Variants in RBFOX1 observed in about 807,000 individuals in gnomAD.
The protein encoded by RBFOX1 is RNA binding fox-1 homolog 1.
RBFOX1 carries 8 observed loss-of-function variants against 57.7 expected under a neutral mutation model. That is an observed-to-expected ratio of 0.14 (90% CI 0.08 to 0.25). The LOEUF (loss-of-function observed/expected upper bound fraction) is 0.25, where lower values mean the gene tolerates loss of function less well. Ranked by LOEUF, RBFOX1 falls within the 10% of genes least tolerant of loss-of-function variation. RBFOX1 has a pLI of 1.00. For synonymous variants in RBFOX1, 326 were observed against 222.4 expected, an observed-to-expected ratio of 1.47 and a Z score of -4.15; for missense variants, 611 against 548.5, an observed-to-expected ratio of 1.11 and a Z score of -1.14.
chr16:6,536,402 G>A (rs1372205962), intron 2 of RBFOX1, among the ~76,000 whole-genome samples: 2 of 152,140 alleles, frequency 1.3e-5, no homozygotes, highest in African/African-American at 2.4e-5. Flanking sequence ...TCTAATTTCT[G>A]TCCCCTATTG....
chr16:6,633,400 C>A (rs879361582), intron 2 of RBFOX1, among the ~76,000 whole-genome samples: 2 of 152,144 alleles, frequency 1.3e-5, no homozygotes, highest in Non-Finnish European at 2.9e-5. Context: ...GCCTCAGCCT[C>A]CCAAGTAGCT....
At chr16:6,742,059 C>T (rs976975470) in intron 3 of RBFOX1, among the ~76,000 whole-genome samples, 1 of 152,106 alleles carries the variant, frequency 6.6e-6, no homozygotes, top group Non-Finnish European at 1.5e-5. Context: ...AGCCATTCTA[C>T]AGTGTATACA....
intron 4 of RBFOX1, among the ~76,000 whole-genome samples, chr16:7,414,973 T>G (rs1357215287): frequency 6.6e-6 from 1 of 152,150 alleles, no homozygotes; most frequent in Admixed American, 6.5e-5. Context: ...CATCCCAACA[T>G]TACAGATGAG....
At chr16:6,895,154 A>G (rs1313277257) in intron 3 of RBFOX1, among the ~76,000 whole-genome samples, 3 of 152,140 alleles carry the variant, frequency 2.0e-5, no homozygotes, top group Non-Finnish European at 4.4e-5. Context: ...AAATCAAAAA[A>G]GATGATCTAT....
chr16:7,703,853 C>G (rs1197803011), intron 14 of RBFOX1, among the ~76,000 whole-genome samples: 1 of 152,202 alleles, frequency 6.6e-6, no homozygotes, highest in Non-Finnish European at 1.5e-5. Context: ...CCAAAAGCAT[C>G]TGTAATTTGA....
chr16:6,499,029 G>T (rs1333243272), intron 2 of RBFOX1, among the ~76,000 whole-genome samples: 7 of 152,188 alleles, frequency 4.6e-5, no homozygotes, highest in African/African-American at 1.7e-4. Context: ...ATGATTGTGT[G>T]ACAGGTTAGT....
At position 7,676,821 on chromosome 16, in the gene RBFOX1, C is replaced by A. The variant is rs146803665; in HGVS notation, c.978C>A (p.Ala326=). ...YRYAQPTPAT[A]AAYSDSYGRV... ...ACGCCCAGCCTACCCCTGCCACTGCCGCTGCCTACAGTGACAGGTAAGGGT... is the reference window on the plus strand; with the variant it reads ...ACGCCCAGCCTACCCCTGCCACTGCAGCTGCCTACAGTGACAGGTAAGGGT... The change falls in exon 14 of 16, where the codon GCC becomes GCA. Residue 326 remains alanine (A), a synonymous_variant. Transcript: ENST00000550418. The A allele has an allele frequency of 1.7e-5, 28 of 1,612,930 alleles. No individual in the cohort carries two copies. In the African/African-American group the frequency reaches 3.5e-4, roughly 20 times the overall value.
intron 3 of RBFOX1, among the ~76,000 whole-genome samples, chr16:5,712,638 G>C (rs933577136): frequency 6.6e-6 from 1 of 152,102 alleles, no homozygotes; most frequent in African/African-American, 2.4e-5. Context: ...GTGTAGTTTA[G>C]GAAATGGAAG....
chr16:6,475,250 G>C (rs928464556), intron 2 of RBFOX1, among the ~76,000 whole-genome samples: 1 of 152,128 alleles, frequency 6.6e-6, no homozygotes, highest in Non-Finnish European at 1.5e-5. Flanking sequence ...AAACAATGTT[G>C]GTTGTAATAC....
At chr16:6,274,362 C>T (rs1599060315) in intron 1 of RBFOX1, among the ~76,000 whole-genome samples, 1 of 152,084 alleles carries the variant, frequency 6.6e-6, no homozygotes, top group Non-Finnish European at 1.5e-5. Flanking sequence ...AAATACAACC[C>T]AGTAACAAAA....
At chr16:5,242,071 GC>G (rs1295268525) in intron 1 of RBFOX1, among the ~76,000 whole-genome samples, 2 of 152,112 alleles carry the variant, frequency 1.3e-5, no homozygotes, top group African/African-American at 4.8e-5. Context: ...CTGTCATCAT[GC>G]CACTGCACTC....
chr16:6,132,198 A>G (rs1240201700), intron 1 of RBFOX1, among the ~76,000 whole-genome samples: 4 of 152,324 alleles, frequency 2.6e-5, no homozygotes, highest in African/African-American at 9.6e-5. Context: ...TTTCACGATC[A>G]TGGGGGACAC....
At chr16:5,827,056 C>T (rs1385740954) in intron 3 of RBFOX1, among the ~76,000 whole-genome samples, 1 of 152,174 alleles carries the variant, frequency 6.6e-6, no homozygotes, top group African/African-American at 2.4e-5. Flanking sequence ...AATATTCTTT[C>T]TCCTGTTGAC....
At chr16:6,077,758 C>T (rs2095930071) in intron 1 of RBFOX1, among the ~76,000 whole-genome samples, 1 of 150,046 alleles carries the variant, frequency 6.7e-6, no homozygotes, top group South Asian at 2.1e-4. Context: ...GCTCTGTCAC[C>T]CAGGCTGGAG....
chr16:7,463,810 T>A (rs1248588165), intron 4 of RBFOX1, among the ~76,000 whole-genome samples: 1 of 152,240 alleles, frequency 6.6e-6, no homozygotes, highest in Non-Finnish European at 1.5e-5. Flanking sequence ...AGCTGCTATT[T>A]TTTAAATGTC....
chr16:6,293,141 C>T (rs1033505619), intron 1 of RBFOX1, among the ~76,000 whole-genome samples: 1 of 152,116 alleles, frequency 6.6e-6, no homozygotes, highest in Non-Finnish European at 1.5e-5. Context: ...TATGCAGAAT[C>T]TTTCATTTTC....
intron 11 of RBFOX1, among the ~76,000 whole-genome samples, chr16:7,651,068 TA>T (rs3837771): frequency 0.15 from 23,009 of 152,074 alleles, 2,113 homozygotes; most frequent in East Asian, 0.45. Flanking sequence ...TTAGCAAGAA[TA>T]AAAAAAGTTA....
intron 4 of RBFOX1, among the ~76,000 whole-genome samples, chr16:5,958,904 C>T (rs191217627): frequency 1.6e-4 from 24 of 152,318 alleles, no homozygotes; most frequent in Admixed American, 1.4e-3. Context: ...TAGGCACACC[C>T]TGATAGTCCA....
chr16:7,190,389 A>T (rs544395250), intron 4 of RBFOX1, among the ~76,000 whole-genome samples: 199 of 152,250 alleles, frequency 1.3e-3, no homozygotes, highest in African/African-American at 4.7e-3. Flanking sequence ...ATAAAATAAA[A>T]AATAAAACTT....
Sources: allele counts gnomAD v4.1 joint callset (sites outside exome capture counted in the v4.1 genomes callset), GRCh38; gene constraint gnomAD v4.1.1; transcripts MANE v1.5; gene names NCBI Gene and HGNC (gene_info 2026-07-23, HGNC 2026-07-21).